The following DPYD variants were observed in gnomAD, a reference collection of about 807,000 sequenced individuals.
DPYD encodes dihydropyrimidine dehydrogenase, also known as dihydropyrimidine dehydrogenase [NADP(+)].
Under a neutral mutation model 116.2 loss-of-function variants are expected in DPYD, and 109 were observed. The observed-to-expected ratio is 0.94, with a 90% CI of 0.80 to 1.10. The LOEUF is 1.10. DPYD is among the 50% of genes least tolerant of loss of function. The probability of loss-of-function intolerance (pLI) is 0.00; values close to 1 mark genes in which losing one functional copy is unlikely to be tolerated. For missense variants in DPYD, 1,302 were observed against 1,254.5 expected, an observed-to-expected ratio of 1.04 and a Z score of -0.57; for synonymous variants, 440 against 432.0, an observed-to-expected ratio of 1.02 and a Z score of -0.23.
intron 14 of DPYD, among the ~76,000 whole-genome samples, chr1:97,449,469 T>C (rs1469066860): frequency 6.6e-6 from 1 of 152,012 alleles, no homozygotes; most frequent in Non-Finnish European, 1.5e-5. Context: ...AATAAATGAA[T>C]GACATTAAGG....
intron 20 of DPYD, among the ~76,000 whole-genome samples, chr1:97,174,569 A>G (rs920161788): frequency 2.0e-5 from 3 of 152,144 alleles, no homozygotes; most frequent in Non-Finnish European, 4.4e-5. Flanking sequence ...ATTTTTATCT[A>G]GGTACCAGCT....
At chr1:97,177,178 C>T (rs1197451925) in intron 20 of DPYD, among the ~76,000 whole-genome samples, 1 of 152,120 alleles carries the variant, frequency 6.6e-6, no homozygotes, top group East Asian at 1.9e-4. Context: ...AATTATATTA[C>T]TGTTAATGTT....
intron 13 of DPYD, among the ~76,000 whole-genome samples, chr1:97,505,092 G>A (rs939897726): frequency 2.6e-5 from 4 of 152,006 alleles, no homozygotes; most frequent in African/African-American, 9.7e-5. Flanking sequence ...AGGTATAGAC[G>A]ATGCAAACAT....
At chr1:97,353,324 G>A (rs1015944630) in intron 16 of DPYD, among the ~76,000 whole-genome samples, 4 of 151,964 alleles carry the variant, frequency 2.6e-5, no homozygotes, top group South Asian at 2.1e-4. Context: ...GCAGGGCTGC[G>A]GAATGGCAGG....
intron 13 of DPYD, among the ~76,000 whole-genome samples, chr1:97,464,355 C>G (rs1196684616): frequency 6.6e-6 from 1 of 152,048 alleles, no homozygotes; most frequent in East Asian, 1.9e-4. Context: ...GAAATTCAAG[C>G]TGACTGCAGA....
intron 8 of DPYD, among the ~76,000 whole-genome samples, chr1:97,650,068 G>A (rs1327168421): frequency 6.6e-6 from 1 of 151,840 alleles, no homozygotes; most frequent in Non-Finnish European, 1.5e-5. Flanking sequence ...TCTTTTCTTT[G>A]TTCTCTCAAA....
At chr1:97,870,230 A>T (rs978046202) in intron 2 of DPYD, among the ~76,000 whole-genome samples, 2 of 151,882 alleles carry the variant, frequency 1.3e-5, no homozygotes, top group African/African-American at 4.8e-5. Context: ...AAAATATTCC[A>T]TTCTGTCTCA....
chr1:97,510,143 A>AT (rs1474082739), intron 13 of DPYD, among the ~76,000 whole-genome samples: 1 of 151,880 alleles, frequency 6.6e-6, no homozygotes. Context: ...AGAGGAGAAA[A>AT]CCAGTAGCCC....
chr1:97,670,625 T>C (rs1199157968), intron 8 of DPYD, among the ~76,000 whole-genome samples: 1 of 152,182 alleles, frequency 6.6e-6, no homozygotes. Context: ...ACCCAGTCTA[T>C]GCTATTTTGG....
chr1:97,116,739 AC>A (rs938390040), intron 20 of DPYD, among the ~76,000 whole-genome samples: 2 of 152,114 alleles, frequency 1.3e-5, no homozygotes, highest in Admixed American at 6.6e-5. Context: ...TCATGGATTT[AC>A]TATGGAAATG....
chr1:97,454,621 A>T (rs1027355631), intron 13 of DPYD, among the ~76,000 whole-genome samples: 2 of 151,966 alleles, frequency 1.3e-5, no homozygotes, highest in African/African-American at 2.4e-5. Flanking sequence ...TATAACTACC[A>T]TTATAACATC....
chr1:97,138,732 T>G (rs1432853717), intron 20 of DPYD, among the ~76,000 whole-genome samples: 1 of 152,210 alleles, frequency 6.6e-6, no homozygotes, highest in African/African-American at 2.4e-5. Flanking sequence ...GAATTCATGT[T>G]AGTCTAGAAG....
At chr1:97,335,299 T>TACAC (rs35371362) in intron 16 of DPYD, among the ~76,000 whole-genome samples, 8,590 of 136,198 alleles carry the variant, frequency 0.063, 354 homozygotes, top group African/African-American at 0.098. Context: ...TGGAGTTAAG[T>TACAC]ACACACACAC....
chr1:97,845,271 C>T (rs1670236112), intron 2 of DPYD, among the ~76,000 whole-genome samples: 1 of 152,134 alleles, frequency 6.6e-6, no homozygotes, highest in Non-Finnish European at 1.5e-5. Flanking sequence ...TGGACCTGCC[C>T]ACAGCCACCT....
chr1:97,259,127 C>T (rs1266871441), intron 18 of DPYD, among the ~76,000 whole-genome samples: 3 of 151,910 alleles, frequency 2.0e-5, no homozygotes, highest in African/African-American at 7.3e-5. Context: ...GAAATATAAC[C>T]TATTACTTAT....
At chr1:97,635,245 C>A (rs766392108) in intron 8 of DPYD, among the ~76,000 whole-genome samples, 3 of 152,068 alleles carry the variant, frequency 2.0e-5, no homozygotes, top group Non-Finnish European at 4.4e-5. Context: ...CACCTCAAGC[C>A]CGCACCTTCC....
At chr1:97,595,846 C>T (rs1337523) in intron 8 of DPYD, among the ~76,000 whole-genome samples, 118,418 of 151,702 alleles carry the variant, frequency 0.78, 47,349 homozygotes, top group East Asian at 0.96. Context: ...AATATTAACT[C>T]CATTAAGTCA....
intron 13 of DPYD, among the ~76,000 whole-genome samples, chr1:97,490,163 A>T (rs10875093): frequency 1.3e-5 from 2 of 151,382 alleles, no homozygotes; most frequent in South Asian, 4.1e-4. Context: ...TAATAAATGC[A>T]CCATAAGCTG....
At chr1:97,171,104 G>T (rs1656691233) in intron 20 of DPYD, among the ~76,000 whole-genome samples, 1 of 152,160 alleles carries the variant, frequency 6.6e-6, no homozygotes, top group African/African-American at 2.4e-5. Context: ...TTGTAGAAAA[G>T]CTAAAAGTCA....
Sources: allele counts gnomAD v4.1 joint callset (sites outside exome capture counted in the v4.1 genomes callset), GRCh38; gene constraint gnomAD v4.1.1; transcripts MANE v1.5; gene names NCBI Gene and HGNC (gene_info 2026-07-23, HGNC 2026-07-21).